Variants in PLCE1 observed in about 807,000 individuals in gnomAD.
PLCE1 encodes 1-phosphatidylinositol 4,5-bisphosphate phosphodiesterase epsilon-1.
In PLCE1, 119 loss-of-function variants were observed where a neutral mutation model predicts 242.8. The observed-to-expected ratio is 0.49, with a 90% CI of 0.42 to 0.57. PLCE1 has a LOEUF of 0.57. PLCE1 is among the 20% of genes least tolerant of loss of function. PLCE1 has a pLI of 0.00. For synonymous variants in PLCE1, 945 were observed against 1,017.4 expected (o/e 0.93, Z 1.35); for missense variants, 2,441 against 2,788.8 (o/e 0.88, Z 2.81).
intron 7 of PLCE1, among the ~76,000 whole-genome samples, chr10:94,243,326 G>A (rs1277688525): frequency 6.6e-6 from 1 of 152,174 alleles, no homozygotes; most frequent in African/African-American, 2.4e-5. Flanking sequence ...CCTCCAAACT[G>A]TCAAGAGCAC....
chr10:94,124,602 CA>C (rs2046388955), intron 2 of PLCE1, among the ~76,000 whole-genome samples: 1 of 152,106 alleles, frequency 6.6e-6, no homozygotes, highest in Non-Finnish European at 1.5e-5. Context: ...CTCTCCAGGG[CA>C]GAGTCTTTTT....
chr10:94,071,372 C>T (rs1395677860), intron 2 of PLCE1, among the ~76,000 whole-genome samples: 1 of 152,120 alleles, frequency 6.6e-6, no homozygotes, highest in Non-Finnish European at 1.5e-5. Context: ...CACATTCCAC[C>T]TCAGGCTGAC....
At chr10:94,235,257 A>G (rs763420865) in intron 6 of PLCE1, among the ~76,000 whole-genome samples, 8 of 152,118 alleles carry the variant, frequency 5.3e-5, no homozygotes, top group Non-Finnish European at 8.8e-5. Context: ...CTGGGTTATG[A>G]GCTAGGATAA....
chr10:94,045,849 C>T (rs2061872162), intron 2 of PLCE1, among the ~76,000 whole-genome samples: 1 of 152,108 alleles, frequency 6.6e-6, no homozygotes, highest in Non-Finnish European at 1.5e-5. Flanking sequence ...GCCTGTACTC[C>T]CAGCACTTTG....
chr10:94,295,009 G>A (rs996790497), intron 23 of PLCE1, among the ~76,000 whole-genome samples: 1 of 145,392 alleles, frequency 6.9e-6, no homozygotes, highest in Non-Finnish European at 1.5e-5. Context: ...TCCACCTCCC[G>A]GGTTCACGCC....
chr10:94,251,754 A>G (rs2050884434), intron 8 of PLCE1, among the ~76,000 whole-genome samples: 1 of 152,058 alleles, frequency 6.6e-6, no homozygotes, highest in African/African-American at 2.4e-5. Context: ...TGGGCTCCCT[A>G]TCTTTAGATT....
At chr10:94,301,032 G>A (rs1053688629) in intron 24 of PLCE1, among the ~76,000 whole-genome samples, 7 of 151,408 alleles carry the variant, frequency 4.6e-5, no homozygotes, top group African/African-American at 1.7e-4. Flanking sequence ...GTGACAGAGC[G>A]AGACACTGTC....
In PLCE1 at chr10:94,122,184, G is replaced by A. The variant is rs529734952; in HGVS notation, c.1207-9990G>A. ...CTCTGAGCCAGGGATCACAGTCTAC[G>A]GGATTTGTGAAAATTTGGTTTTGTC... On this transcript the variant is annotated intron_variant, in intron 2 of 32. Coordinates refer to ENST00000371380, the MANE Select transcript of PLCE1 (RefSeq NM_016341.4). 1.1e-3 allele frequency among the ~76,000 whole-genome samples: 172 copies of A among 152,224 alleles called. 1 individual carries two copies. The highest frequency in any genetic ancestry group is 7.5e-4 in the Non-Finnish European group (51 of 68,012).
chr10:94,226,877 T>A (rs1410847982), intron 4 of PLCE1, among the ~76,000 whole-genome samples: 2 of 136,936 alleles, frequency 1.5e-5, no homozygotes, highest in Non-Finnish European at 3.1e-5. Flanking sequence ...CCTTGCTCTG[T>A]CACCCAGGCT....
At chr10:94,119,688 CTG>C (rs1232334501) in intron 2 of PLCE1, among the ~76,000 whole-genome samples, 3 of 152,140 alleles carry the variant, frequency 2.0e-5, no homozygotes, top group Non-Finnish European at 2.9e-5. Flanking sequence ...ATCTGAAACA[CTG>C]TATGCCCACA....
At chr10:94,261,130 A>G (rs1343603553) in intron 13 of PLCE1, among the ~76,000 whole-genome samples, 2 of 152,012 alleles carry the variant, frequency 1.3e-5, no homozygotes, top group Non-Finnish European at 2.9e-5. Context: ...AAAGTTCCTT[A>G]TGCTTCATTT....
intron 2 of PLCE1, among the ~76,000 whole-genome samples, chr10:94,053,660 G>T (rs928800131): frequency 6.6e-6 from 1 of 152,200 alleles, no homozygotes; most frequent in African/African-American, 2.4e-5. Context: ...CTGGGATCCA[G>T]CTTGCTCCAG....
chr10:94,163,682 A>G (rs2047694743), intron 3 of PLCE1, among the ~76,000 whole-genome samples: 1 of 151,990 alleles, frequency 6.6e-6, no homozygotes, highest in Non-Finnish European at 1.5e-5. Flanking sequence ...GTTATGTGTG[A>G]ATTTGATCCT....
rs41291130 is a variant in PLCE1 at position 94,255,097 on chromosome 10, G to T, written c.3554+48G>T. On this transcript the variant is annotated intron_variant, in intron 11 of 32. Coordinates refer to ENST00000371380, the MANE Select transcript of PLCE1 (RefSeq NM_016341.4). ...CAGAAGGACCCTTCACATTATTCCA[G>T]TTGTGTGGAAGGGCATATCTTTACA... 3,274 of 1,584,964 alleles carry T rather than the reference G, an allele frequency of 2.1e-3. 7 individuals are homozygous for T. Among genetic ancestry groups the T allele is most frequent in the Non-Finnish European group, 2.5e-3 (2,859 of 1,154,218 alleles).
At chr10:94,233,690 G>A (rs899836819) in intron 5 of PLCE1, among the ~76,000 whole-genome samples, 5 of 152,212 alleles carry the variant, frequency 3.3e-5, no homozygotes, top group African/African-American at 1.2e-4. Context: ...GCTCATGCCT[G>A]TAATCCCAGC....
chr10:94,183,547 A>G (rs1172051946), intron 4 of PLCE1, among the ~76,000 whole-genome samples: 1 of 152,178 alleles, frequency 6.6e-6, no homozygotes, highest in Non-Finnish European at 1.5e-5. Context: ...TGTCAACTGA[A>G]GTGTTCAGGC....
chr10:94,246,162 C>G lies in PLCE1; in HGVS notation c.2637C>G (p.Arg879=). Residue 879 remains arginine (R), a synonymous_variant, in exon 8 of 33, where the codon CGC becomes CGG. Transcript: ENST00000371380. ...ACCAGGACACACACCTCTCTGCCCGCTGCTTCCTCCAGCTTCAGCCCGACA... is the reference window on the plus strand; with the variant it reads ...ACCAGGACACACACCTCTCTGCCCGGTGCTTCCTCCAGCTTCAGCCCGACA... ...HYDQDTHLSA[R]CFLQLQPDNS... 6.2e-7 allele frequency: 1 copy of G among 1,614,158 alleles called. No individual in the cohort carries two copies. Among genetic ancestry groups the G allele is most frequent in the Non-Finnish European group, 8.5e-7 (1 of 1,180,014 alleles).
At chr10:94,123,518 G>A (rs1243887063) in intron 2 of PLCE1, among the ~76,000 whole-genome samples, 1 of 152,214 alleles carries the variant, frequency 6.6e-6, no homozygotes, top group Non-Finnish European at 1.5e-5. Context: ...GGAATCATGA[G>A]CAGAGCAAAC....
Position 94,011,924 on chromosome 10 carries a change from T to C in PLCE1, c.-365+17666T>C, listed in dbSNP as rs903510175. The stretch of plus-strand genomic sequence containing the variant: ...ATACCAGGTGACCAAATTTGGGGCA[T>C]AACCATTTTACTAAAACCCCAGGGC... On this transcript the variant is annotated intron_variant, in intron 1 of 32. Coordinates refer to ENST00000371380, the MANE Select transcript of PLCE1 (RefSeq NM_016341.4). Among the ~76,000 whole-genome samples the C allele has an allele frequency of 3.5e-4, 53 of 152,256 alleles. 1 individual carries two copies. Among genetic ancestry groups the C allele is most frequent in the African/African-American group, 1.3e-3 (53 of 41,550 alleles).
Sources: allele counts gnomAD v4.1 joint callset (sites outside exome capture counted in the v4.1 genomes callset), GRCh38; gene constraint gnomAD v4.1.1; transcripts MANE v1.5; gene names NCBI Gene and HGNC (gene_info 2026-07-23, HGNC 2026-07-21).